Variants in L3MBTL4 observed in about 807,000 individuals in gnomAD.
The protein encoded by L3MBTL4 is L3MBTL histone methyl-lysine binding protein 4.
A neutral mutation model predicts 84.5 loss-of-function variants in L3MBTL4; 70 were observed. The ratio of observed to expected loss-of-function variants is 0.83; its 90% CI spans 0.68 to 1.01. L3MBTL4 has a LOEUF of 1.01. Among genes scored for constraint, L3MBTL4 ranks in the 50% least tolerant of loss-of-function variants. The pLI is 0.00. For synonymous variants in L3MBTL4, 274 were observed against 259.8 expected (o/e 1.05, Z -0.52); for missense variants, 715 against 754.8 (o/e 0.95, Z 0.62).
chr18:6,195,339 C>T (rs544267553), intron 12 of L3MBTL4, among the ~76,000 whole-genome samples: 6 of 152,290 alleles, frequency 3.9e-5, no homozygotes, highest in Non-Finnish European at 8.8e-5. Flanking sequence ...TGTGGATGTC[C>T]GCTACCCTGT....
At chr18:6,157,917 A>G (rs1374754173) in intron 13 of L3MBTL4, among the ~76,000 whole-genome samples, 1 of 152,200 alleles carries the variant, frequency 6.6e-6, no homozygotes, top group African/African-American at 2.4e-5. Flanking sequence ...CTGCCTATCA[A>G]CTTCCTATTT....
intron 1 of L3MBTL4, chr18:6,397,685 A>C (rs1022129058): frequency 6.6e-6 from 1 of 151,716 alleles, no homozygotes; most frequent in African/African-American, 2.4e-5. Context: ...CCGTCTTGAC[A>C]AAAAAAATAA....
chr18:6,285,819 T>C (rs1020356121), intron 4 of L3MBTL4, among the ~76,000 whole-genome samples: 2 of 132,348 alleles, frequency 1.5e-5, no homozygotes, highest in Admixed American at 1.4e-4. Context: ...ATATTATTAT[T>C]ATTATTATTA....
At chr18:6,328,218 G>A (rs1325162778) in intron 1 of L3MBTL4, among the ~76,000 whole-genome samples, 2 of 152,184 alleles carry the variant, frequency 1.3e-5, no homozygotes, top group Non-Finnish European at 2.9e-5. Context: ...CAAAGCATGT[G>A]TTTCATGCAT....
At chr18:6,339,896 C>G (rs2052526254) in intron 1 of L3MBTL4, among the ~76,000 whole-genome samples, 1 of 152,052 alleles carries the variant, frequency 6.6e-6, no homozygotes, top group Non-Finnish European at 1.5e-5. Flanking sequence ...AATCTGAATT[C>G]TACTTTGTCC....
chr18:6,151,246 T>C (rs2042881148), intron 13 of L3MBTL4, among the ~76,000 whole-genome samples: 1 of 152,220 alleles, frequency 6.6e-6, no homozygotes, highest in Non-Finnish European at 1.5e-5. Flanking sequence ...AAATAAAGGT[T>C]TATGTGGTCA....
At chr18:6,161,995 C>T (rs779221191) in intron 13 of L3MBTL4, among the ~76,000 whole-genome samples, 5 of 150,926 alleles carry the variant, frequency 3.3e-5, no homozygotes, top group South Asian at 2.1e-4. Flanking sequence ...TGTATGTACG[C>T]ATTTTTCTTC....
intron 12 of L3MBTL4, among the ~76,000 whole-genome samples, chr18:6,194,661 T>A (rs560922781): frequency 1.3e-5 from 2 of 152,236 alleles, no homozygotes; most frequent in South Asian, 4.1e-4. Context: ...GAACTGCAAG[T>A]CACAGTCAGA....
chr18:6,141,445 T>C (rs111594942), intron 13 of L3MBTL4, among the ~76,000 whole-genome samples: 2,581 of 152,214 alleles, frequency 0.017, 80 homozygotes, highest in African/African-American at 0.058. Context: ...CCACTTGATG[T>C]CTCTGTAGTT....
intron 17 of L3MBTL4, among the ~76,000 whole-genome samples, chr18:5,964,323 A>G (rs2052224453): frequency 6.6e-6 from 1 of 152,154 alleles, no homozygotes; most frequent in Admixed American, 6.5e-5. Flanking sequence ...TTTCCCTGGC[A>G]TCATCGCTGG....
At chr18:6,136,105 T>C (rs1352005993) in intron 14 of L3MBTL4, among the ~76,000 whole-genome samples, 2 of 152,314 alleles carry the variant, frequency 1.3e-5, no homozygotes, top group Admixed American at 6.5e-5. Context: ...GTGAGACTTA[T>C]TCACTATCAC....
At chr18:6,384,980 T>G (rs1415271155) in intron 1 of L3MBTL4, among the ~76,000 whole-genome samples, 1 of 152,024 alleles carries the variant, frequency 6.6e-6, no homozygotes, top group East Asian at 1.9e-4. Context: ...GGTCTTCCTT[T>G]GGGGGAGAAT....
At chr18:5,972,746 A>G (rs1448678164) in intron 16 of L3MBTL4, among the ~76,000 whole-genome samples, 2 of 152,138 alleles carry the variant, frequency 1.3e-5, no homozygotes, top group Non-Finnish European at 1.5e-5. Flanking sequence ...TCTGTGGCCT[A>G]GTGATCTCCC....
intron 1 of L3MBTL4, among the ~76,000 whole-genome samples, chr18:6,346,746 G>A (rs1468297809): frequency 2.0e-5 from 3 of 152,036 alleles, no homozygotes; most frequent in African/African-American, 7.2e-5. Context: ...CAATTGGTGG[G>A]AATGTATGAA....
At chr18:6,247,449 G>A (rs1222073071) in intron 5 of L3MBTL4, among the ~76,000 whole-genome samples, 1 of 131,894 alleles carries the variant, frequency 7.6e-6, no homozygotes, top group Admixed American at 7.5e-5. Flanking sequence ...TAAGAATGCA[G>A]ACTTCCCCCT....
chr18:6,230,877 T>C (rs2046972052), intron 10 of L3MBTL4, among the ~76,000 whole-genome samples: 1 of 152,106 alleles, frequency 6.6e-6, no homozygotes, highest in South Asian at 2.1e-4. Context: ...GCTACATATA[T>C]GTCTTTTGAA....
chr18:6,240,956 T>C (rs1783932220), intron 8 of L3MBTL4, among the ~76,000 whole-genome samples: 1 of 152,252 alleles, frequency 6.6e-6, no homozygotes, highest in Admixed American at 6.5e-5. Context: ...TACAAAATGT[T>C]ACTCTCATTT....
intron 3 of L3MBTL4, among the ~76,000 whole-genome samples, chr18:6,304,014 C>CAAAAA (rs201628744): frequency 1.9e-5 from 1 of 52,738 alleles, no homozygotes; most frequent in Non-Finnish European, 4.2e-5. Flanking sequence ...AACTCCATCT[C>CAAAAA]AAAAAAAAAA....
chr18:6,008,873 T>G (rs756919371), intron 16 of L3MBTL4, among the ~76,000 whole-genome samples: 1 of 152,212 alleles, frequency 6.6e-6, no homozygotes, highest in Non-Finnish European at 1.5e-5. Context: ...GTCTGACGGA[T>G]TGACATAAAC....
Sources: allele counts gnomAD v4.1 joint callset (sites outside exome capture counted in the v4.1 genomes callset), GRCh38; gene constraint gnomAD v4.1.1; transcripts MANE v1.5; gene names NCBI Gene and HGNC (gene_info 2026-07-23, HGNC 2026-07-21).